Variants in CNKSR2 observed in about 807,000 individuals in gnomAD.
The protein encoded by CNKSR2 is CNK homolog protein 2.
A neutral mutation model predicts 84.4 loss-of-function variants in CNKSR2; 14 were observed. That is an observed-to-expected ratio of 0.17 (90% CI 0.11 to 0.26). The LOEUF is 0.26. Among genes scored for constraint, CNKSR2 ranks in the 10% least tolerant of loss-of-function variants. CNKSR2 has a pLI of 1.00. For missense variants in CNKSR2, 485 were observed against 771.2 expected (o/e 0.63, Z 4.40); for synonymous variants, 275 against 277.9 (o/e 0.99, Z 0.10).
chrX:21,484,921 C>T (rs1461989433), intron 5 of CNKSR2, among the ~76,000 whole-genome samples: 14 of 111,645 alleles, frequency 1.3e-4, no homozygotes, highest in Admixed American at 1.2e-3. Flanking sequence ...TGGTGGCTCA[C>T]GCCTGTAATC....
At chrX:21,603,075 A>C (rs1175922652) in intron 18 of CNKSR2, among the ~76,000 whole-genome samples, 1 of 112,321 alleles carries the variant, frequency 8.9e-6, no homozygotes, top group East Asian at 2.8e-4. Context: ...TAAGCTATAT[A>C]GTTGTATTGG....
At chrX:21,452,733 C>T (rs1274770293) in intron 4 of CNKSR2, among the ~76,000 whole-genome samples, 2 of 108,694 alleles carry the variant, frequency 1.8e-5, no homozygotes, top group Non-Finnish European at 3.8e-5. Context: ...AAGTAGTTCT[C>T]AGCCATTTTA....
chrX:21,641,445 G>C (rs1280212910), intron 20 of CNKSR2: 5 of 1,061,106 alleles, frequency 4.7e-6, no homozygotes, highest in Non-Finnish European at 6.4e-6. Flanking sequence ...TTGCATGATG[G>C]TATTTCTAAT....
chrX:21,518,208 C>G (rs1431944759), intron 9 of CNKSR2, among the ~76,000 whole-genome samples: 1 of 110,732 alleles, frequency 9.0e-6, no homozygotes, highest in Non-Finnish European at 1.9e-5. Flanking sequence ...TTTTTTTTCA[C>G]TGCATTATAA....
chrX:21,462,874 C>A (rs1054041849), intron 4 of CNKSR2, among the ~76,000 whole-genome samples: 1 of 109,399 alleles, frequency 9.1e-6, no homozygotes, highest in African/African-American at 3.3e-5. Context: ...CCACCACACC[C>A]GGCTAATTTT....
At chrX:21,454,069 A>G (rs902433958) in intron 4 of CNKSR2, among the ~76,000 whole-genome samples, 2 of 111,627 alleles carry the variant, frequency 1.8e-5, no homozygotes, top group African/African-American at 6.5e-5. Flanking sequence ...GCCCAGTACA[A>G]TTCTTCCAAC....
At chrX:21,401,771 T>C (rs2090194864) in intron 1 of CNKSR2, among the ~76,000 whole-genome samples, 1 of 111,930 alleles carries the variant, frequency 8.9e-6, no homozygotes. Flanking sequence ...GCATAGTCTT[T>C]GATCCTGGGA....
chrX:21,544,886 G>A (rs911290428), intron 11 of CNKSR2, among the ~76,000 whole-genome samples: 5 of 111,508 alleles, frequency 4.5e-5, no homozygotes, highest in Non-Finnish European at 9.4e-5. Flanking sequence ...CATGGTCTTC[G>A]CAACCCACAG....
intron 6 of CNKSR2, 132 bp downstream of exon 6, chrX:21,490,710 G>A: frequency 1.5e-6 from 1 of 648,875 alleles, no homozygotes; most frequent in Non-Finnish European, 2.1e-6. Flanking sequence ...TTTTCCTGGA[G>A]GAGTTATGGT....
At chrX:21,379,815 T>G (rs987911414) in intron 1 of CNKSR2, among the ~76,000 whole-genome samples, 3 of 111,817 alleles carry the variant, frequency 2.7e-5, no homozygotes, top group Non-Finnish European at 5.6e-5. Context: ...TTTTAAAGGC[T>G]GTATATGAGC....
rs111832804 is a variant in CNKSR2, at chrX:21,507,832, A to G, written c.810+6244A>G. ...TAGATTTTCCACAAAATTATTATAA[A>G]TGGGAGCTTTAACATTTTAGATAAG... On this transcript the variant is annotated intron_variant, in intron 8 of 21. Transcript: ENST00000379510. 7.4e-3 allele frequency among the ~76,000 whole-genome samples: 823 copies of G among 111,803 alleles called. 3 individuals carry two copies. Among genetic ancestry groups the G allele is most frequent in the African/African-American group, 0.025 (780 of 30,816 alleles).
At chrX:21,456,926 A>G (rs1161457851) in intron 4 of CNKSR2, among the ~76,000 whole-genome samples, 1 of 111,507 alleles carries the variant, frequency 9.0e-6, no homozygotes, top group African/African-American at 3.3e-5. Flanking sequence ...GTGAGATGAT[A>G]TCTCATTGTG....
intron 20 of CNKSR2, among the ~76,000 whole-genome samples, chrX:21,646,207 G>A: frequency 9.0e-6 from 1 of 111,186 alleles, no homozygotes; most frequent in Non-Finnish European, 1.9e-5. Context: ...ACTTGGAAAT[G>A]TTTCTGTGTT....
intron 20 of CNKSR2, among the ~76,000 whole-genome samples, chrX:21,634,433 C>T (rs1039525077): frequency 8.9e-6 from 1 of 111,984 alleles, no homozygotes; most frequent in African/African-American, 3.2e-5. Flanking sequence ...GCAGCTCCTT[C>T]TTGCCAGAGT....
chrX:21,386,375 C>T, intron 1 of CNKSR2, among the ~76,000 whole-genome samples: 1 of 111,456 alleles, frequency 9.0e-6, no homozygotes, highest in Non-Finnish European at 1.9e-5. Flanking sequence ...TAGTGAATCA[C>T]GAAAGCAATT....
At chrX:21,652,146 A>G (rs1415886339) in intron 21 of CNKSR2, among the ~76,000 whole-genome samples, 160 bp from the exon 22 acceptor site, 1 of 112,350 alleles carries the variant, frequency 8.9e-6, no homozygotes, top group African/African-American at 3.2e-5. Context: ...TCGGGTGTAG[A>G]AAAAAGTACA....
chrX:21,549,517 C>A (rs1479957742), intron 11 of CNKSR2, among the ~76,000 whole-genome samples: 4 of 111,631 alleles, frequency 3.6e-5, no homozygotes, highest in Non-Finnish European at 7.5e-5. Flanking sequence ...TAAATGCTAT[C>A]CCCATCAAGC....
At chrX:21,494,725 A>G (rs962629638) in intron 6 of CNKSR2, 3 of 111,610 alleles carry the variant, frequency 2.7e-5, no homozygotes, top group African/African-American at 9.8e-5. Flanking sequence ...TTAGCATCTT[A>G]AATCTCCACC....
Position 21,374,606 on chromosome X carries a change from A to AGCAGCAGCAGCC in CNKSR2, c.-281_-280insCGCAGCAGCAGC. 1 of 493,140 alleles carries AGCAGCAGCAGCC rather than the reference A, an allele frequency of 2.0e-6. No individual in the cohort carries two copies. The highest frequency in any genetic ancestry group is 3.6e-6 in the Non-Finnish European group (1 of 280,307). 40.6% of individuals were successfully genotyped at this position (493,140 alleles called of 1,213,427 possible). A position where few individuals can be genotyped will look rare whatever the true frequency, so the allele number is the denominator to read the frequency against. ...GCGGAGCGGCGGAGGCAGCAGCAGCAGCAGCAGCAGCAGCAGCAGCAGCAG... is the reference window on the plus strand; with the variant it reads ...GCGGAGCGGCGGAGGCAGCAGCAGCAGCAGCAGCAGCCGCAGCAGCAGCAGCAGCAGCAGCAG... On this transcript the variant is annotated 5_prime_UTR_variant, in exon 1 of 22. Transcript: ENST00000379510.
Sources: gnomAD v4.1 joint callset for allele counts (sites outside exome capture counted in the v4.1 genomes callset) on GRCh38, gnomAD v4.1.1 for gene constraint, MANE v1.5 for transcripts, NCBI Gene and HGNC (gene_info 2026-07-23, HGNC 2026-07-21) for gene names.